N4BP1: variants seen among roughly 807,000 people sequenced by gnomAD.
N4BP1 encodes NEDD4-binding protein 1.
Under a neutral mutation model 70.9 loss-of-function variants are expected in N4BP1, and 21 were observed. The observed-to-expected ratio is 0.30, with a 90% CI of 0.21 to 0.43. The LOEUF (loss-of-function observed/expected upper bound fraction) is 0.43. N4BP1 is among the 20% of genes least tolerant of loss of function. The pLI, the probability that N4BP1 is intolerant of heterozygous loss-of-function variation, is 1.00. For missense variants in N4BP1, 936 were observed against 1,069.4 expected, an observed-to-expected ratio of 0.88 and a Z score of 1.74; for synonymous variants, 387 against 394.6, an observed-to-expected ratio of 0.98 and a Z score of 0.23.
intron 1 of N4BP1, among the ~76,000 whole-genome samples, chr16:48,592,339 A>G (rs1026443450): frequency 6.6e-6 from 1 of 152,196 alleles, no homozygotes; most frequent in Non-Finnish European, 1.5e-5. Context: ...CCCTTTTGAA[A>G]ATCCAGGATG....
intron 1 of N4BP1, among the ~76,000 whole-genome samples, chr16:48,562,925 AT>A (rs913818821): frequency 5.6e-4 from 84 of 150,700 alleles, no homozygotes; most frequent in East Asian, 1.8e-3. Flanking sequence ...AATAACATTA[AT>A]TTTTTTTTTC....
In N4BP1 at chr16:48,538,729, A is replaced by T. The variant is rs1321195427; in HGVS notation, c.*4175T>A. On this transcript the variant is annotated 3_prime_UTR_variant, in exon 7 of 7. Transcript: ENST00000262384. ...TCAAGAAGGCACTGTCCTCCAGTTC[A>T]GTTGAGCAGACATTTATTAAGCACC... 2.0e-5 allele frequency: 3 copies of T among 152,026 alleles called. No individual in the cohort carries two copies. The East Asian group carries it at 5.8e-4, about 29-fold the overall frequency. The allele number at this position is 152,026 out of a possible 1,614,324, so 9.4% of individuals were successfully genotyped here.
chr16:48,562,540 TA>T (rs1239112250), intron 1 of N4BP1, 96 bp from the exon 2 acceptor site: 54 of 977,310 alleles, frequency 5.5e-5, no homozygotes, highest in Non-Finnish European at 7.5e-5. Flanking sequence ...GCCGATTTTA[TA>T]AAAATCACAA....
rs554973048 is a variant in N4BP1 at position 48,588,432 on chromosome 16, T to C, written c.198+21343A>G. Among the ~76,000 whole-genome samples the C allele has an allele frequency of 4.6e-5, 7 of 152,080 alleles. No homozygotes were observed. The South Asian group carries it at 1.5e-3, about 32-fold the overall frequency. ...GCCTCAGCCTCCCAAGTAGTTGGGA[T>C]TACAGGCACCCGCCACCATGCCTGG... On this transcript the variant is annotated intron_variant, in intron 1 of 6. Coordinates refer to ENST00000262384, the MANE Select transcript of N4BP1 (RefSeq NM_153029.4).
At chr16:48,582,367 G>A (rs7196823) in intron 1 of N4BP1, among the ~76,000 whole-genome samples, 61,308 of 151,914 alleles carry the variant, frequency 0.4, 13,339 homozygotes, top group African/African-American at 0.56. Flanking sequence ...GTATATCCAC[G>A]CTGTATATAC....
chr16:48,557,626 C>A (rs926191817), intron 2 of N4BP1, among the ~76,000 whole-genome samples: 4 of 151,942 alleles, frequency 2.6e-5, no homozygotes, highest in Non-Finnish European at 5.9e-5. Flanking sequence ...CATGAAGTTA[C>A]AAATAGGTAG....
At chr16:48,549,757 C>A (rs1963639334) in intron 4 of N4BP1, among the ~76,000 whole-genome samples, 1 of 152,186 alleles carries the variant, frequency 6.6e-6, no homozygotes. Flanking sequence ...CTGCTGTGGT[C>A]CCAAGCCCCC....
At chr16:48,569,753 G>C (rs537300417) in intron 1 of N4BP1, among the ~76,000 whole-genome samples, 1 of 152,282 alleles carries the variant, frequency 6.6e-6, no homozygotes, top group Non-Finnish European at 1.5e-5. Flanking sequence ...CTGGGACTTG[G>C]ATGGTGGTCT....
intron 2 of N4BP1, 144 bp downstream of exon 2, chr16:48,560,610 G>T: frequency 9.3e-7 from 1 of 1,071,386 alleles, no homozygotes; most frequent in Non-Finnish European, 1.3e-6. Flanking sequence ...CAACCAGTTG[G>T]TTCCCATTCC....
chr16:48,599,897 T>C (rs1964471319), intron 1 of N4BP1, among the ~76,000 whole-genome samples: 1 of 152,186 alleles, frequency 6.6e-6, no homozygotes, highest in Non-Finnish European at 1.5e-5. Context: ...TTTGTAATCA[T>C]TACTCACCCT....
At chr16:48,577,813 G>A (rs994234515) in intron 1 of N4BP1, 20 of 158,072 alleles carry the variant, frequency 1.3e-4, no homozygotes, top group Middle Eastern at 6.3e-3. Flanking sequence ...GCCCCTGGGC[G>A]CAGGGATGAG....
Position 48,609,967 on chromosome 16 carries a change from C to A in N4BP1, c.6G>T (p.Ala2=), listed in dbSNP as rs548916626. 3.2e-6 allele frequency: 4 copies of A among 1,230,924 alleles called. No homozygotes were observed. The highest frequency in any genetic ancestry group is 6.7e-5 in the South Asian group (2 of 29,814). The allele number at this position is 1,230,924 out of a possible 1,614,324, so 76.3% of individuals were successfully genotyped here. Residue 2 remains alanine, a synonymous_variant, in exon 1 of 7, where the codon GCG becomes GCT. Transcript: ENST00000262384. M[A]ARAVLDEFTA... is the part of the protein sequence containing the mutation. ...TGAACTCGTCCAGCACCGCCCGGGC[C>A]GCCATGGCGGGCGCGGCCTCCCGCG...
chr16:48,591,630 TG>T (rs1167310949), intron 1 of N4BP1, among the ~76,000 whole-genome samples: 3 of 126,014 alleles, frequency 2.4e-5, no homozygotes, highest in African/African-American at 1.0e-4. Flanking sequence ...TAAAAGGCCT[TG>T]GTTTTTTTTT....
At chr16:48,564,681 T>G (rs1462245134) in intron 1 of N4BP1, among the ~76,000 whole-genome samples, 1 of 152,214 alleles carries the variant, frequency 6.6e-6, no homozygotes, top group Non-Finnish European at 1.5e-5. Flanking sequence ...TAATTTTGTC[T>G]GTGTCTGCAA....
At chr16:48,577,646 C>T (rs757937558) in intron 1 of N4BP1, 3 of 223,090 alleles carry the variant, frequency 1.3e-5, no homozygotes, top group Admixed American at 4.3e-5. Flanking sequence ...TTCCAGAGGT[C>T]GGGGGTCAGG....
chr16:48,575,841 T>C (rs1488160827), intron 1 of N4BP1, among the ~76,000 whole-genome samples: 1 of 152,130 alleles, frequency 6.6e-6, no homozygotes, highest in Non-Finnish European at 1.5e-5. Context: ...CCAGCTACCA[T>C]GGGGGTAGGT....
chr16:48,577,510 C>A, intron 1 of N4BP1: 1 of 162,912 alleles, frequency 6.1e-6, no homozygotes, highest in South Asian at 1.6e-4. Context: ...CTTTATTTTT[C>A]TTGTATAAAA....
At chr16:48,588,075 G>T (rs189179763) in intron 1 of N4BP1, among the ~76,000 whole-genome samples, 1 of 151,842 alleles carries the variant, frequency 6.6e-6, no homozygotes, top group African/African-American at 2.4e-5. Flanking sequence ...TGCAATATAA[G>T]ATTTCTTATG....
intron 4 of N4BP1, among the ~76,000 whole-genome samples, chr16:48,549,055 T>C (rs1349308928): frequency 6.6e-6 from 1 of 152,082 alleles, no homozygotes; most frequent in Non-Finnish European, 1.5e-5. Context: ...AAGAAATCTG[T>C]GAGGATGTGA....
Sources: gnomAD v4.1 joint callset for allele counts (sites outside exome capture counted in the v4.1 genomes callset) on GRCh38, gnomAD v4.1.1 for gene constraint, MANE v1.5 for transcripts, NCBI Gene and HGNC (gene_info 2026-07-23, HGNC 2026-07-21) for gene names.